Variants in FNDC3A observed in about 807,000 individuals in gnomAD.
The protein encoded by FNDC3A is fibronectin type III domain containing 3A, also known as fibronectin type-III domain-containing protein 3A.
Under a neutral mutation model 148.9 loss-of-function variants are expected in FNDC3A, and 32 were observed. That is an observed-to-expected ratio of 0.21 (90% CI 0.16 to 0.29). The LOEUF (loss-of-function observed/expected upper bound fraction) is 0.29. Among genes scored for constraint, FNDC3A ranks in the 10% least tolerant of loss-of-function variants. The pLI is 1.00. For synonymous variants in FNDC3A, 472 were observed against 473.6 expected, an observed-to-expected ratio of 1.00 and a Z score of 0.04; for missense variants, 1,191 against 1,452.8, an observed-to-expected ratio of 0.82 and a Z score of 2.93.
intron 3 of FNDC3A, among the ~76,000 whole-genome samples, chr13:49,085,221 A>G (rs1209014120): frequency 6.6e-6 from 1 of 152,196 alleles, no homozygotes; most frequent in East Asian, 1.9e-4. Context: ...GCAAGTCCCT[A>G]GACTAAGCCA....
chr13:48,976,659 T>C (rs1228894201), intron 1 of FNDC3A: 1 of 152,376 alleles, frequency 6.6e-6, no homozygotes, highest in Non-Finnish European at 1.5e-5. Context: ...CGCCTTCGGC[T>C]TTGGCCGCCC....
At position 49,085,995 on chromosome 13, in the gene FNDC3A, G is replaced by T. The variant is rs372431781; in HGVS notation, c.175+10631G>T. ...CCTCCTGAGTTCAAGTGATTCTCCT[G>T]CTTCAACCTCCCAAGTAGCTGGGAT... On this transcript the variant is annotated intron_variant, in intron 3 of 25. Transcript: ENST00000492622. Among the ~76,000 whole-genome samples the T allele has an allele frequency of 7.3e-5, 11 of 151,446 alleles. No individual in the cohort carries two copies. The East Asian group carries it at 1.9e-3, about 27-fold the overall frequency.
chr13:49,198,809 T>G (rs1886284732), intron 23 of FNDC3A, among the ~76,000 whole-genome samples: 1 of 152,070 alleles, frequency 6.6e-6, no homozygotes. Context: ...AAAAACGAAG[T>G]CAAGATTGTC....
At chr13:49,178,455 C>T (rs1447592773) in intron 13 of FNDC3A, 113 bp from the exon 14 acceptor site, 2 of 667,788 alleles carry the variant, frequency 3.0e-6, no homozygotes, top group East Asian at 5.8e-5. Context: ...GAGCATTAGT[C>T]ATATTGCACA....
At chr13:49,027,908 A>T (rs1335773006) in intron 2 of FNDC3A, among the ~76,000 whole-genome samples, 2 of 152,170 alleles carry the variant, frequency 1.3e-5, no homozygotes, top group Admixed American at 6.5e-5. Flanking sequence ...GTGAAAAGAT[A>T]GTTATTGACC....
At chr13:49,149,601 G>A (rs947839019) in intron 8 of FNDC3A, among the ~76,000 whole-genome samples, 1 of 152,112 alleles carries the variant, frequency 6.6e-6, no homozygotes, top group Non-Finnish European at 1.5e-5. Context: ...GTTTGCCAGT[G>A]TTTTGATGAG....
chr13:49,025,032 T>C (rs1873600477), intron 2 of FNDC3A, among the ~76,000 whole-genome samples: 1 of 152,046 alleles, frequency 6.6e-6, no homozygotes, highest in Admixed American at 6.5e-5. Context: ...TTGTGCTTGC[T>C]CCACATAGAT....
chr13:49,009,907 A>G (rs140580184), intron 2 of FNDC3A, among the ~76,000 whole-genome samples: 261 of 152,364 alleles, frequency 1.7e-3, no homozygotes, highest in African/African-American at 6.1e-3. Context: ...TCTTGATTGC[A>G]TTAATCTCTT....
At chr13:49,138,203 A>G (rs986042231) in intron 6 of FNDC3A, among the ~76,000 whole-genome samples, 1 of 152,142 alleles carries the variant, frequency 6.6e-6, no homozygotes, top group East Asian at 1.9e-4. Flanking sequence ...TATATTAACA[A>G]CATTTACATA....
intron 1 of FNDC3A, among the ~76,000 whole-genome samples, chr13:48,983,972 A>T (rs1951742793): frequency 6.6e-6 from 1 of 152,194 alleles, no homozygotes; most frequent in Non-Finnish European, 1.5e-5. Context: ...ATACAAATAC[A>T]AATAGCAAAA....
At chr13:48,999,043 G>T (rs1418545756) in intron 1 of FNDC3A, among the ~76,000 whole-genome samples, 1 of 152,174 alleles carries the variant, frequency 6.6e-6, no homozygotes, top group Non-Finnish European at 1.5e-5. Flanking sequence ...GGGCCCAAAG[G>T]GCAAGGCTGC....
intron 2 of FNDC3A, among the ~76,000 whole-genome samples, chr13:49,033,754 A>T (rs530056444): frequency 1.4e-3 from 210 of 151,998 alleles, no homozygotes; most frequent in Non-Finnish European, 2.6e-3. Flanking sequence ...TTATACTTAA[A>T]TTTTTTGTAT....
intron 4 of FNDC3A, among the ~76,000 whole-genome samples, chr13:49,125,874 C>A (rs1293449933): frequency 6.6e-6 from 1 of 152,090 alleles, no homozygotes; most frequent in Admixed American, 6.6e-5. Context: ...AAAAACATGT[C>A]TTTGCCTACT....
intron 24 of FNDC3A, among the ~76,000 whole-genome samples, chr13:49,202,550 C>A (rs1175844894): frequency 6.6e-6 from 1 of 152,176 alleles, no homozygotes; most frequent in Non-Finnish European, 1.5e-5. Context: ...GAAGACTAAT[C>A]ACAGAGACTT....
At chr13:48,995,141 CT>C (rs1952000205) in intron 1 of FNDC3A, among the ~76,000 whole-genome samples, 1 of 152,118 alleles carries the variant, frequency 6.6e-6, no homozygotes. Flanking sequence ...TCTCAAACTC[CT>C]GGACTCAGGT....
intron 3 of FNDC3A, among the ~76,000 whole-genome samples, chr13:49,082,440 A>G (rs1487219161): frequency 2.0e-5 from 3 of 152,132 alleles, no homozygotes; most frequent in Non-Finnish European, 4.4e-5. Flanking sequence ...ATAAAGTTCT[A>G]CGTTTTGATT....
At chr13:49,132,475 C>T (rs1882093413) in intron 5 of FNDC3A, among the ~76,000 whole-genome samples, 1 of 152,190 alleles carries the variant, frequency 6.6e-6, no homozygotes, top group African/African-American at 2.4e-5. Context: ...TGTTTAAAGG[C>T]ATCCCTGGCC....
intron 23 of FNDC3A, among the ~76,000 whole-genome samples, chr13:49,198,996 C>G (rs1886293628): frequency 6.6e-6 from 1 of 151,970 alleles, no homozygotes; most frequent in Admixed American, 6.6e-5. Context: ...ACAAAATAAA[C>G]TCTTCAGTGT....
chr13:48,980,971 A>C (rs559364692), intron 1 of FNDC3A, among the ~76,000 whole-genome samples: 2 of 152,256 alleles, frequency 1.3e-5, no homozygotes, highest in South Asian at 4.1e-4. Context: ...ATTAAAACCA[A>C]CCAAACAAAA....
Sources: gnomAD v4.1 joint callset for allele counts (sites outside exome capture counted in the v4.1 genomes callset) on GRCh38, gnomAD v4.1.1 for gene constraint, MANE v1.5 for transcripts, NCBI Gene and HGNC (gene_info 2026-07-23, HGNC 2026-07-21) for gene names.